FGD6: variants seen among roughly 807,000 people sequenced by gnomAD.
The protein encoded by FGD6 is FYVE, RhoGEF and PH domain-containing protein 6.
Under a neutral mutation model 149.4 loss-of-function variants are expected in FGD6, and 90 were observed. That is an observed-to-expected ratio of 0.60 (90% CI 0.51 to 0.72). The LOEUF is 0.72. FGD6 is among the 30% of genes least tolerant of loss of function. The pLI, the probability that FGD6 is intolerant of heterozygous loss-of-function variation, is 0.00. For synonymous variants in FGD6, 527 were observed against 584.0 expected (o/e 0.90, Z 1.41); for missense variants, 1,437 against 1,684.8 (o/e 0.85, Z 2.57).
intron 5 of FGD6, among the ~76,000 whole-genome samples, chr12:95,150,306 C>G (rs1035272737): frequency 2.0e-5 from 3 of 152,120 alleles, no homozygotes; most frequent in African/African-American, 7.2e-5. Context: ...GGATTACAGG[C>G]ATGAGCCACC....
intron 5 of FGD6, among the ~76,000 whole-genome samples, chr12:95,145,517 G>C (rs1239371340): frequency 6.6e-6 from 1 of 152,120 alleles, no homozygotes; most frequent in Non-Finnish European, 1.5e-5. Flanking sequence ...GGTTTAGCCA[G>C]AATCTCCCCT....
At chr12:95,138,265 T>C (rs10459184) in intron 6 of FGD6, among the ~76,000 whole-genome samples, 133,957 of 151,552 alleles carry the variant, frequency 0.88, 59,594 homozygotes, top group East Asian at 0.97. Flanking sequence ...ACTCCTTGGA[T>C]GGGCACGATG....
intron 5 of FGD6, among the ~76,000 whole-genome samples, chr12:95,148,519 TTATATATTATATAATATATAG>T (rs1189734525): frequency 1.3e-4 from 15 of 116,052 alleles, no homozygotes; most frequent in Non-Finnish European, 1.8e-5. Flanking sequence ...ATATATTATA[TTATATATTATATAATATATAG>T]CATATATTAT....
intron 2 of FGD6, among the ~76,000 whole-genome samples, chr12:95,198,229 G>C (rs1411063534): frequency 2.0e-5 from 3 of 152,176 alleles, no homozygotes; most frequent in Non-Finnish European, 2.9e-5. Context: ...CTCAGGATCA[G>C]AAAACTTGGT....
At chr12:95,192,355 A>G (rs180807584) in intron 2 of FGD6, among the ~76,000 whole-genome samples, 1 of 152,370 alleles carries the variant, frequency 6.6e-6, no homozygotes, top group African/African-American at 2.4e-5. Context: ...AAAGGGGTCC[A>G]TTGTACTGTT....
intron 2 of FGD6, among the ~76,000 whole-genome samples, chr12:95,199,617 T>TA (rs1881818621): frequency 6.7e-6 from 1 of 149,728 alleles, no homozygotes; most frequent in East Asian, 1.9e-4. Flanking sequence ...AAGCTACCTT[T>TA]TTTTTTTTTT....
rs1319203654 is a variant in FGD6 at position 95,121,483 on chromosome 12, A to ATATATG, written c.3083-7783_3083-7782insCATATA. Among the ~76,000 whole-genome samples, 11 of 32,810 alleles carry ATATATG rather than the reference A, an allele frequency of 3.4e-4. No homozygotes were observed. In the East Asian group the frequency reaches 4.4e-3, roughly 13 times the overall value. The allele number at this position is 32,810 out of a possible 152,430, so 21.5% of individuals were successfully genotyped here. On this transcript the variant is annotated intron_variant, in intron 8 of 20. Transcript: ENST00000343958. ...AAAAAAGATATATATATATATATGT[A>ATATATG]TATATATATATATATATATTCCTTT... is the stretch of plus-strand genomic sequence containing the variant.
chr12:95,173,194 T>A (rs1565915606), intron 2 of FGD6, among the ~76,000 whole-genome samples: 2 of 152,156 alleles, frequency 1.3e-5, no homozygotes, highest in Admixed American at 6.5e-5. Flanking sequence ...GGGGTAATAA[T>A]GGTGACGACA....
At chr12:95,103,732 T>G (rs774446231) in intron 14 of FGD6, among the ~76,000 whole-genome samples, 10 of 152,238 alleles carry the variant, frequency 6.6e-5, no homozygotes, top group Middle Eastern at 3.2e-3. Context: ...AGATGGGGTT[T>G]CACCATGTTG....
At chr12:95,159,848 T>A (rs1744534367) in intron 3 of FGD6, among the ~76,000 whole-genome samples, 1 of 151,308 alleles carries the variant, frequency 6.6e-6, no homozygotes. Context: ...AATAAAAAAA[T>A]AAAAAACAAT....
chr12:95,089,954 T>G (rs7312457), intron 17 of FGD6, among the ~76,000 whole-genome samples: 14,185 of 152,058 alleles, frequency 0.093, 705 homozygotes, highest in Middle Eastern at 0.12. Flanking sequence ...AACACGTGAC[T>G]ATACTACCAA....
chr12:95,142,344 C>T (rs1879876492), intron 5 of FGD6, among the ~76,000 whole-genome samples: 1 of 152,070 alleles, frequency 6.6e-6, no homozygotes, highest in Non-Finnish European at 1.5e-5. Context: ...GGCGTTTCAC[C>T]ATGTTGGCCA....
chr12:95,159,459 A>G (rs1880574313), intron 3 of FGD6, among the ~76,000 whole-genome samples: 1 of 152,234 alleles, frequency 6.6e-6, no homozygotes, highest in African/African-American at 2.4e-5. Flanking sequence ...AGACATCATT[A>G]AGAAGATAAA....
chr12:95,204,432 T>C (rs949297923), intron 2 of FGD6, among the ~76,000 whole-genome samples: 5 of 152,054 alleles, frequency 3.3e-5, no homozygotes, highest in South Asian at 2.1e-4. Context: ...AGAGAAGGGA[T>C]TGGAATAAGA....
At chr12:95,201,022 C>CA (rs920164923) in intron 2 of FGD6, among the ~76,000 whole-genome samples, 3 of 143,988 alleles carry the variant, frequency 2.1e-5, no homozygotes, top group East Asian at 2.0e-4. Context: ...GTCTAGTCTG[C>CA]TTTTTTTTTT....
chr12:95,186,863 G>A (rs892831234), intron 2 of FGD6, among the ~76,000 whole-genome samples: 2 of 152,120 alleles, frequency 1.3e-5, no homozygotes, highest in Non-Finnish European at 2.9e-5. Context: ...TAACCTCTCC[G>A]TGCCTCAGTT....
At chr12:95,196,744 A>G (rs1176897141) in intron 2 of FGD6, among the ~76,000 whole-genome samples, 1 of 151,220 alleles carries the variant, frequency 6.6e-6, no homozygotes, top group African/African-American at 2.4e-5. Context: ...GACTCAGGTG[A>G]TCTTCCCACC....
intron 8 of FGD6, among the ~76,000 whole-genome samples, chr12:95,119,206 G>A (rs1213585431): frequency 6.6e-6 from 1 of 152,164 alleles, no homozygotes; most frequent in Non-Finnish European, 1.5e-5. Flanking sequence ...TAGCATTTTT[G>A]TGTGTTAATA....
At chr12:95,109,115 G>A (rs1357154220) in intron 9 of FGD6, among the ~76,000 whole-genome samples, 1 of 152,202 alleles carries the variant, frequency 6.6e-6, no homozygotes, top group South Asian at 2.1e-4. Flanking sequence ...TTAGGAATTT[G>A]CAAGTGTCAT....
Sources: allele counts gnomAD v4.1 joint callset (sites outside exome capture counted in the v4.1 genomes callset), GRCh38; gene constraint gnomAD v4.1.1; transcripts MANE v1.5; gene names NCBI Gene and HGNC (gene_info 2026-07-23, HGNC 2026-07-21).